Variants in NPAT observed in about 807,000 individuals in gnomAD.
NPAT encodes nuclear protein, coactivator of histone transcription.
Under a neutral mutation model 130.7 loss-of-function variants are expected in NPAT, and 52 were observed. That is an observed-to-expected ratio of 0.40 (90% CI 0.32 to 0.50). The LOEUF is 0.50. NPAT is among the 20% of genes least tolerant of loss of function. The pLI is 0.68. For synonymous variants in NPAT, 580 were observed against 584.8 expected, an observed-to-expected ratio of 0.99 and a Z score of 0.12; for missense variants, 1,687 against 1,662.6, an observed-to-expected ratio of 1.01 and a Z score of -0.26.
chr11:108,159,826 C>T (rs543020750), intron 17 of NPAT, among the ~76,000 whole-genome samples: 1 of 150,824 alleles, frequency 6.6e-6, no homozygotes, highest in South Asian at 2.1e-4. Flanking sequence ...GCCTGGGCAA[C>T]ATGGCAAAAG....
intron 2 of NPAT, among the ~76,000 whole-genome samples, chr11:108,195,770 T>G (rs903844542): frequency 6.6e-6 from 1 of 152,090 alleles, no homozygotes; most frequent in Non-Finnish European, 1.5e-5. Flanking sequence ...TGGGACTAAG[T>G]GCACCACTAT....
At chr11:108,178,228 G>A (rs1322295514) in intron 10 of NPAT, among the ~76,000 whole-genome samples, 1 of 152,114 alleles carries the variant, frequency 6.6e-6, no homozygotes, top group Non-Finnish European at 1.5e-5. Context: ...CTGTACCAAT[G>A]GTGGAGGTGA....
Position 108,188,391 on chromosome 11 carries a change from A to G in NPAT, c.557-212T>C, listed in dbSNP as rs188133082. Among the ~76,000 whole-genome samples, 295 of 152,340 alleles carry G rather than the reference A, an allele frequency of 1.9e-3. 1 individual carries two copies. The highest frequency in any genetic ancestry group is 3.5e-3 in the Non-Finnish European group (235 of 68,030). ...GGTTTTACAATAAAATCCAAAGTAC[A>G]ATATAGTCTCAACAAAAAATAATAC... is the stretch of plus-strand genomic sequence containing the variant. On this transcript the variant is annotated intron_variant, in intron 6 of 17. Transcript: ENST00000278612.
At position 108,180,842 on chromosome 11, in the gene NPAT, T is replaced by C. The variant is rs533809715; in HGVS notation, c.907-3752A>G. Among the ~76,000 whole-genome samples, 17 of 152,318 alleles carry C rather than the reference T, an allele frequency of 1.1e-4. No homozygotes were observed. The South Asian group carries it at 2.9e-3, about 26-fold the overall frequency. ...GATAAACAAAATGTGGCATATACAT[T>C]AAATGGAATATTATTCAGCCTTTAA... On this transcript the variant is annotated intron_variant, in intron 10 of 17. Coordinates refer to ENST00000278612, the MANE Select transcript of NPAT (RefSeq NM_002519.3).
In NPAT at chr11:108,161,329, G is replaced by A; in HGVS notation, c.3757C>T (p.His1253Tyr). Residue 1253 changes from histidine (H) to tyrosine (Y), a missense_variant, in exon 17 of 18, where the codon CAC (histidine) becomes TAC (tyrosine). This residue lies in a region of NPAT where 1,379 missense variants were observed against 1,346.6 expected (regional missense o/e 1.02). Coordinates refer to ENST00000278612, the MANE Select transcript of NPAT (RefSeq NM_002519.3). ...TTEMLQDIQR[H>Y]SSVSRLADSS... ...TCAGCAAGCCTACTTACTGAGCTGTGCCTCTGTATATCCTGTAACATTTCT... is the reference window on the plus strand; with the variant it reads ...TCAGCAAGCCTACTTACTGAGCTGTACCTCTGTATATCCTGTAACATTTCT... 6.2e-7 allele frequency: 1 copy of A among 1,614,098 alleles called. No individual in the cohort carries two copies. The highest frequency in any genetic ancestry group is 8.5e-7 in the Non-Finnish European group (1 of 1,179,978).
chr11:108,170,440 T>G (rs1033706660), intron 13 of NPAT, among the ~76,000 whole-genome samples: 2 of 152,048 alleles, frequency 1.3e-5, no homozygotes, highest in Admixed American at 6.6e-5. Context: ...CACCAGAAAA[T>G]TACAACCCCA....
At position 108,188,142 on chromosome 11, in the gene NPAT, T is replaced by A. The variant is rs762003080; in HGVS notation, c.594A>T (p.Glu198Asp). The change falls in exon 7 of 18, where the codon GAA becomes GAT. Residue 198 changes from glutamate to aspartate, a missense_variant. Physicochemically the swap from Glu to Asp is conservative, Grantham distance 45. Transcript: ENST00000278612. ...EALNVIPGAQEKKAHASLMSP... is the reference protein window; with the variant it reads ...EALNVIPGAQDKKAHASLMSP... Reference sequence around the variant, plus strand: ...ACATTAAACTGGCATGTGCTTTCTTTTCCTGAGCACCAGGAATGACATTTA... The same window carrying A: ...ACATTAAACTGGCATGTGCTTTCTTATCCTGAGCACCAGGAATGACATTTA... The A allele has an allele frequency of 6.2e-7, 1 of 1,613,838 alleles. No homozygotes were observed. The highest frequency in any genetic ancestry group is 8.5e-7 in the Non-Finnish European group (1 of 1,179,860).
chr11:108,190,430 T>C, intron 5 of NPAT, 30 bp downstream of exon 5: 1 of 1,585,394 alleles, frequency 6.3e-7, no homozygotes, highest in Admixed American at 1.7e-5. Flanking sequence ...TTGAAGTAAT[T>C]GTGAACATTG....
rs540402092 is a variant in NPAT, at chr11:108,176,702, G to A, written c.1003+292C>T. Among the ~76,000 whole-genome samples the A allele has an allele frequency of 7.6e-4, 116 of 151,958 alleles. 1 individual carries two copies. The highest frequency in any genetic ancestry group is 2.4e-3 in the Admixed American group (36 of 15,252). On this transcript the variant is annotated intron_variant, in intron 11 of 17. Transcript: ENST00000278612. ...CCAATTTTTTGTATTCCCTTTGTAC[G>A]ATTCAATTGTGTTTAACACATTTGT...
intron 1 of NPAT, among the ~76,000 whole-genome samples, chr11:108,218,242 A>C (rs2078451980): frequency 6.6e-6 from 1 of 152,178 alleles, no homozygotes; most frequent in Admixed American, 6.5e-5. Context: ...CTTTTATTAT[A>C]AGTGGAGGTG....
In NPAT at chr11:108,158,830, G is replaced by T; in HGVS notation, c.*112C>A. On this transcript the variant is annotated 3_prime_UTR_variant, in exon 18 of 18. Transcript: ENST00000278612. ...GATTTAGATATAAAGTGAAGTTTCA[G>T]TACAATGAAAGTGCAGGTCATGCTT... 1.4e-6 allele frequency: 1 copy of T among 696,418 alleles called. No individual in the cohort carries two copies. Among genetic ancestry groups the T allele is most frequent in the Non-Finnish European group, 2.6e-6 (1 of 386,566 alleles). 43.1% of individuals were successfully genotyped at this position (696,418 alleles called of 1,614,324 possible).
intron 1 of NPAT, among the ~76,000 whole-genome samples, chr11:108,200,931 A>G (rs1207861042): frequency 1.3e-5 from 2 of 152,210 alleles, no homozygotes; most frequent in African/African-American, 4.8e-5. Context: ...TTTGCATTCA[A>G]AGATCCATCC....
In NPAT at chr11:108,192,190, T is replaced by A. The variant is rs1324952168; in HGVS notation, c.218A>T (p.Glu73Val). The change falls in exon 4 of 18, where the codon GAA becomes GTA. Residue 73 changes from glutamate (E) to valine (V), a missense_variant and splice_region_variant. By Grantham distance (121) the Glu-to-Val change is moderately radical. Transcript: ENST00000278612. ...LNEYVAMKTK[E>V]TSNNVPAIMS... ...TATTGCTGGGACATTATTTGATGTT[T>A]CTAAATCATAGGAGAAAAGGTTCTT... 6.3e-7 allele frequency: 1 copy of A among 1,593,318 alleles called. No homozygotes were observed. The highest frequency in any genetic ancestry group is 1.1e-5 in the South Asian group (1 of 90,654).
At chr11:108,163,876 G>T (rs1443412357) in intron 15 of NPAT, among the ~76,000 whole-genome samples, 1 of 152,188 alleles carries the variant, frequency 6.6e-6, no homozygotes, top group Non-Finnish European at 1.5e-5. Context: ...TGAAGAAATG[G>T]AAGATTAAGA....
chr11:108,215,550 A>C (rs2078428458), intron 1 of NPAT, among the ~76,000 whole-genome samples: 1 of 152,226 alleles, frequency 6.6e-6, no homozygotes, highest in Non-Finnish European at 1.5e-5. Context: ...ATTATGTCTA[A>C]CGTCTCTTCC....
intron 1 of NPAT, among the ~76,000 whole-genome samples, chr11:108,211,160 G>A (rs961047706): frequency 1.3e-5 from 2 of 151,932 alleles, no homozygotes; most frequent in Admixed American, 6.6e-5. Flanking sequence ...AGGTTGCAGT[G>A]AGCCGAGATC....
chr11:108,210,408 G>T (rs1023182073), intron 1 of NPAT, among the ~76,000 whole-genome samples: 6 of 152,090 alleles, frequency 3.9e-5, no homozygotes, highest in African/African-American at 1.4e-4. Context: ...TCATTTAAAA[G>T]TGTGTGACAC....
Position 108,159,660 on chromosome 11 carries a change from GATTTC to G in NPAT, c.4207-646_4207-642del, listed in dbSNP as rs202072445. Among the ~76,000 whole-genome samples, 1,037 of 152,132 alleles carry G rather than the reference GATTTC, an allele frequency of 6.8e-3. 16 individuals are homozygous for G. Among genetic ancestry groups the G allele is most frequent in the African/African-American group, 0.023 (961 of 41,504 alleles). On this transcript the variant is annotated intron_variant, in intron 17 of 17. Transcript: ENST00000278612. ...CAGCTAACCAAATCGAAAATAAATG[GATTTC>G]ATTTATCAATGCTATCCCTGCACTG...
intron 14 of NPAT, 22 bp from the exon 15 acceptor site, chr11:108,169,874 A>C (rs1565309170): frequency 1.2e-6 from 2 of 1,610,776 alleles, no homozygotes; most frequent in Non-Finnish European, 1.7e-6. Context: ...AAAGCCATTA[A>C]TTACACTAAG....
Sources: gnomAD v4.1 joint callset for allele counts (sites outside exome capture counted in the v4.1 genomes callset) on GRCh38, gnomAD v4.1.1 for gene constraint, gnomAD v4.1.1 regional missense constraint, MANE v1.5 for transcripts, NCBI Gene and HGNC (gene_info 2026-07-23, HGNC 2026-07-21) for gene names.